ALDH1A2: variants seen among roughly 807,000 people sequenced by gnomAD.
ALDH1A2 encodes the protein retinal dehydrogenase 2.
Under a neutral mutation model 60.3 loss-of-function variants are expected in ALDH1A2, and 27 were observed. The ratio of observed to expected loss-of-function variants is 0.45; its 90% CI spans 0.33 to 0.62. The LOEUF (loss-of-function observed/expected upper bound fraction) is 0.62. ALDH1A2 is among the 20% of genes least tolerant of loss of function. The pLI is 0.02. For synonymous variants in ALDH1A2, 289 were observed against 232.4 expected (o/e 1.24, Z -2.21); for missense variants, 581 against 643.8 (o/e 0.90, Z 1.06).
intron 1 of ALDH1A2, among the ~76,000 whole-genome samples, chr15:58,026,553 G>A (rs566007619): frequency 7.4e-4 from 113 of 152,304 alleles, no homozygotes; most frequent in African/African-American, 2.4e-3. Flanking sequence ...GTGAGCCAAC[G>A]CAGGGTGGGA....
chr15:57,994,217 T>G (rs1894981398), intron 5 of ALDH1A2, among the ~76,000 whole-genome samples: 1 of 152,184 alleles, frequency 6.6e-6, no homozygotes, highest in African/African-American at 2.4e-5. Context: ...GCAAGAGAAC[T>G]TAAATCAAAC....
intron 7 of ALDH1A2, among the ~76,000 whole-genome samples, chr15:57,989,124 G>A (rs1192907099): frequency 6.6e-6 from 1 of 152,226 alleles, no homozygotes; most frequent in Non-Finnish European, 1.5e-5. Flanking sequence ...GCTCCAGCCT[G>A]GGTGACAGGG....
intron 1 of ALDH1A2, among the ~76,000 whole-genome samples, chr15:58,062,008 C>T (rs552813886): frequency 4.4e-4 from 67 of 152,264 alleles, no homozygotes; most frequent in African/African-American, 1.3e-3. Flanking sequence ...AACATGGCCA[C>T]TCAAATGCCT....
intron 1 of ALDH1A2, among the ~76,000 whole-genome samples, chr15:58,055,205 A>G (rs1896867126): frequency 6.6e-6 from 1 of 152,106 alleles, no homozygotes; most frequent in Non-Finnish European, 1.5e-5. Flanking sequence ...TGAAAAAACT[A>G]ACTTTAATAT....
intron 1 of ALDH1A2, among the ~76,000 whole-genome samples, chr15:58,050,323 A>T (rs1039445897): frequency 7.2e-5 from 11 of 152,136 alleles, no homozygotes; most frequent in Non-Finnish European, 7.4e-5. Context: ...CTGGTCACAG[A>T]TAAAAATCAC....
chr15:57,986,531 G>C (rs1894704885), intron 7 of ALDH1A2, among the ~76,000 whole-genome samples: 1 of 121,970 alleles, frequency 8.2e-6, no homozygotes, highest in Admixed American at 1.1e-4. Flanking sequence ...CAATATAATG[G>C]TCACAATGTC....
At position 58,065,535 on chromosome 15, in the gene ALDH1A2, T is replaced by C. The variant is rs1446777333; in HGVS notation, c.116A>G (p.Lys39Arg). 1 of 1,611,540 alleles carries C rather than the reference T, an allele frequency of 6.2e-7. No homozygotes were observed. The highest frequency in any genetic ancestry group is 8.5e-7 in the Non-Finnish European group (1 of 1,177,884). The part of the protein sequence containing the change: ...PTPNLEIKYT[K>R]IFINNEWQNS... The stretch of plus-strand genomic sequence containing the variant: ...GACGGGCGCTGGGCGGCCGCTTACC[T>C]TGGTGTACTTAATTTCGAGATTGGG... The change falls in exon 1 of 13, where the codon AAG becomes AGG. Residue 39 changes from lysine to arginine, a missense_variant and splice_region_variant. Lys to Arg is a conservative substitution (Grantham distance 26). Around this residue, in one of 2 missense-constraint regions of ALDH1A2, gnomAD observed 206 missense variants for 174.1 expected, o/e 1.18. Transcript: ENST00000249750.
At chr15:57,984,027 C>T (rs1424298237) in intron 7 of ALDH1A2, among the ~76,000 whole-genome samples, 1 of 152,192 alleles carries the variant, frequency 6.6e-6, no homozygotes, top group Admixed American at 6.5e-5. Context: ...GAGAAATTAT[C>T]CTTCCTAAGT....
chr15:57,967,103 A>C (rs1429634547), intron 7 of ALDH1A2, among the ~76,000 whole-genome samples: 4 of 152,028 alleles, frequency 2.6e-5, no homozygotes, highest in African/African-American at 9.7e-5. Flanking sequence ...CTCCAGTGGG[A>C]CTAACGACTT....
chr15:58,003,929 C>CCATG (rs1470180436), intron 4 of ALDH1A2, among the ~76,000 whole-genome samples: 2 of 151,678 alleles, frequency 1.3e-5, no homozygotes, highest in Non-Finnish European at 2.9e-5. Context: ...CCATTGGGTA[C>CCATG]CATGGCAGGA....
intron 7 of ALDH1A2, among the ~76,000 whole-genome samples, chr15:57,983,245 A>G (rs1293561958): frequency 4.6e-5 from 7 of 152,218 alleles, no homozygotes; most frequent in Non-Finnish European, 1.0e-4. Flanking sequence ...TGATTCTTTA[A>G]TATCTGGCAT....
intron 4 of ALDH1A2, among the ~76,000 whole-genome samples, chr15:58,007,211 G>A (rs1895488844): frequency 6.6e-6 from 1 of 151,918 alleles, no homozygotes; most frequent in Non-Finnish European, 1.5e-5. Flanking sequence ...AAGCTCACAG[G>A]AACCTAATCT....
At chr15:58,036,194 G>T (rs1022186300) in intron 1 of ALDH1A2, among the ~76,000 whole-genome samples, 1 of 151,462 alleles carries the variant, frequency 6.6e-6, no homozygotes, top group African/African-American at 2.4e-5. Flanking sequence ...TACAAAAATT[G>T]CTAGAAGTAC....
At chr15:58,053,411 T>C (rs561075301) in intron 1 of ALDH1A2, among the ~76,000 whole-genome samples, 3 of 152,162 alleles carry the variant, frequency 2.0e-5, no homozygotes, top group Non-Finnish European at 2.9e-5. Context: ...ATTTCAACAG[T>C]TGTCCCCTTT....
chr15:58,051,595 C>T (rs1277467387), intron 1 of ALDH1A2, among the ~76,000 whole-genome samples: 1 of 152,080 alleles, frequency 6.6e-6, no homozygotes, highest in Admixed American at 6.6e-5. Flanking sequence ...AAAAACTAGC[C>T]ATAACTACAT....
At chr15:58,053,446 C>A (rs1896825767) in intron 1 of ALDH1A2, among the ~76,000 whole-genome samples, 1 of 152,150 alleles carries the variant, frequency 6.6e-6, no homozygotes, top group Non-Finnish European at 1.5e-5. Flanking sequence ...TACAGACACT[C>A]ACAAATAAGG....
chr15:58,037,260 A>G (rs966008750), intron 1 of ALDH1A2, among the ~76,000 whole-genome samples: 1 of 151,772 alleles, frequency 6.6e-6, no homozygotes, highest in Admixed American at 6.6e-5. Context: ...CAGAAAAGAG[A>G]AAAAAAGAAT....
rs879500544 is a variant in ALDH1A2, at chr15:58,061,595, C to CAAAAAAAAAAAAAAAA, written c.117+3938_117+3939insTTTTTTTTTTTTTTTT. Reference sequence around the variant, plus strand: ...ATATAAAGATTTAAACTCCTTCCCTCAAAAAAAAAAAAAACAAAAAAAAAA... The same window carrying CAAAAAAAAAAAAAAAA: ...ATATAAAGATTTAAACTCCTTCCCTCAAAAAAAAAAAAAAAAAAAAAAAAAAAAAACAAAAAAAAAA... On this transcript the variant is annotated intron_variant, in intron 1 of 12. Transcript: ENST00000249750. Among the ~76,000 whole-genome samples, 50 of 43,264 alleles carry CAAAAAAAAAAAAAAAA rather than the reference C, an allele frequency of 1.2e-3. 2 individuals carry two copies. Among genetic ancestry groups the CAAAAAAAAAAAAAAAA allele is most frequent in the Middle Eastern group, 0.014 (1 of 70 alleles). The allele number at this position is 43,264 out of a possible 152,430, so 28.4% of individuals were successfully genotyped here.
At chr15:57,997,055 A>G (rs1895087696) in intron 4 of ALDH1A2, among the ~76,000 whole-genome samples, 1 of 152,028 alleles carries the variant, frequency 6.6e-6, no homozygotes, top group African/African-American at 2.4e-5. Context: ...TGTTTTATGT[A>G]TATTTTAAAT....
Sources: gnomAD v4.1 joint callset for allele counts (sites outside exome capture counted in the v4.1 genomes callset) on GRCh38, gnomAD v4.1.1 for gene constraint, gnomAD v4.1.1 regional missense constraint, MANE v1.5 for transcripts, NCBI Gene and HGNC (gene_info 2026-07-23, HGNC 2026-07-21) for gene names.